Variants in SRSF4 observed in about 807,000 individuals in gnomAD.
The protein encoded by SRSF4 is serine and arginine rich splicing factor 4.
SRSF4 carries 12 observed loss-of-function variants against 48.8 expected under a neutral mutation model. The observed-to-expected ratio is 0.25, with a 90% CI of 0.16 to 0.40. The LOEUF is 0.40. Ranked by LOEUF, SRSF4 falls within the 10% of genes least tolerant of loss-of-function variation. SRSF4 has a pLI of 1.00. For missense variants in SRSF4, 466 were observed against 667.1 expected (o/e 0.70, Z 3.32); for synonymous variants, 248 against 232.5 (o/e 1.07, Z -0.61).
At chr1:29,181,300 C>T (rs1206649533) in intron 1 of SRSF4, among the ~76,000 whole-genome samples, 2 of 152,232 alleles carry the variant, frequency 1.3e-5, no homozygotes, top group African/African-American at 4.8e-5. Context: ...TACCCAGAAA[C>T]GAATAGGGCC....
At chr1:29,175,686 C>T (rs1427607087) in intron 1 of SRSF4, among the ~76,000 whole-genome samples, 3 of 72,830 alleles carry the variant, frequency 4.1e-5, no homozygotes, top group South Asian at 7.2e-4. Context: ...CAGAGCCAGA[C>T]GCTGTCTCAA....
chr1:29,160,324 C>T (rs1427358857), intron 2 of SRSF4, 51 bp downstream of exon 2: 2 of 1,527,332 alleles, frequency 1.3e-6, no homozygotes, highest in African/African-American at 2.8e-5. Flanking sequence ...TAAAAATTAG[C>T]ATGATAACAA....
chr1:29,177,395 C>T (rs779045159), intron 1 of SRSF4, among the ~76,000 whole-genome samples: 3 of 151,590 alleles, frequency 2.0e-5, no homozygotes, highest in Non-Finnish European at 4.4e-5. Context: ...GATTCTCTTG[C>T]CTCAGCCTCC....
intron 1 of SRSF4, among the ~76,000 whole-genome samples, chr1:29,174,480 A>T (rs1672804657): frequency 6.6e-6 from 1 of 152,146 alleles, no homozygotes; most frequent in Non-Finnish European, 1.5e-5. Flanking sequence ...CCATTAAATA[A>T]CATATGTATG....
At position 29,149,242 on chromosome 1, in the gene SRSF4, A is replaced by G. The variant is rs556688744; in HGVS notation, c.669-16T>C. On this transcript the variant is annotated splice_polypyrimidine_tract_variant and intron_variant, in intron 5 of 5. Coordinates refer to ENST00000373795, the MANE Select transcript of SRSF4 (RefSeq NM_005626.5). ...GGAGCCCGACCTGAGGAGACATGGG[A>G]TACTGTTTGTGTCACATGTGACTTC... 212 of 1,602,054 alleles carry G rather than the reference A, an allele frequency of 1.3e-4. No individual in the cohort carries two copies. The highest frequency in any genetic ancestry group is 1.7e-4 in the Non-Finnish European group (202 of 1,179,248).
chr1:29,176,267 C>CA (rs1341058981), intron 1 of SRSF4, among the ~76,000 whole-genome samples: 1 of 151,690 alleles, frequency 6.6e-6, no homozygotes, highest in East Asian at 1.9e-4. Flanking sequence ...AAACAAAAAA[C>CA]AAAAAACAAA....
At chr1:29,151,574 T>G (rs2151812309) in intron 4 of SRSF4, among the ~76,000 whole-genome samples, 1 of 152,314 alleles carries the variant, frequency 6.6e-6, no homozygotes, top group South Asian at 2.1e-4. Context: ...CTGACTACAT[T>G]AGGTTTTACC....
intron 4 of SRSF4, among the ~76,000 whole-genome samples, chr1:29,150,802 TCC>T (rs1047873811): frequency 4.1e-4 from 63 of 152,190 alleles, no homozygotes; most frequent in African/African-American, 1.5e-3. Flanking sequence ...CATCCTTGAC[TCC>T]CCCGTCTTTC....
At chr1:29,179,947 A>C (rs1346870841) in intron 1 of SRSF4, among the ~76,000 whole-genome samples, 1 of 152,256 alleles carries the variant, frequency 6.6e-6, no homozygotes, top group Non-Finnish European at 1.5e-5. Flanking sequence ...TTTCCTGCAC[A>C]CTATCACCTG....
intron 1 of SRSF4, among the ~76,000 whole-genome samples, chr1:29,168,175 C>G (rs992170412): frequency 6.7e-6 from 1 of 149,282 alleles, no homozygotes; most frequent in African/African-American, 2.5e-5. Flanking sequence ...CCACCATGCC[C>G]GGCAAATTTT....
At chr1:29,177,281 T>A (rs1024964305) in intron 1 of SRSF4, among the ~76,000 whole-genome samples, 2 of 137,676 alleles carry the variant, frequency 1.5e-5, no homozygotes, top group South Asian at 2.2e-4. Context: ...GTAACTCTTT[T>A]TGTTTTTTTT....
chr1:29,154,432 T>G (rs914703181), intron 4 of SRSF4: 5 of 422,484 alleles, frequency 1.2e-5, no homozygotes, highest in African/African-American at 8.1e-5. Flanking sequence ...CCTGACCTTG[T>G]GATGCGCCCA....
intron 4 of SRSF4, among the ~76,000 whole-genome samples, chr1:29,151,292 G>A (rs147344064): frequency 0.011 from 1,676 of 152,272 alleles, 36 homozygotes; most frequent in African/African-American, 0.038. Context: ...CAAGTTCAAT[G>A]ATACTAAGAA....
At chr1:29,167,541 C>A (rs1179894309) in intron 1 of SRSF4, among the ~76,000 whole-genome samples, 1 of 152,220 alleles carries the variant, frequency 6.6e-6, no homozygotes, top group African/African-American at 2.4e-5. Context: ...CACGCCACCA[C>A]GCCCAGCTAA....
intron 1 of SRSF4, chr1:29,170,738 T>C (rs2452787): frequency 0.3 from 45,843 of 152,018 alleles, 7,277 homozygotes; most frequent in Middle Eastern, 0.36. Flanking sequence ...CCTGACTCCC[T>C]TGCCTGAGCC....
intron 5 of SRSF4, 78 bp from the exon 6 acceptor site, chr1:29,149,304 A>G (rs1295825170): frequency 6.7e-7 from 1 of 1,496,740 alleles, no homozygotes. Flanking sequence ...AAGGGCATAC[A>G]TGTGGAGTTA....
At chr1:29,167,395 GTTT>G (rs1277888641) in intron 1 of SRSF4, among the ~76,000 whole-genome samples, 1 of 151,388 alleles carries the variant, frequency 6.6e-6, no homozygotes, top group African/African-American at 2.5e-5. Context: ...TTTTGTTTTT[GTTT>G]TTTTGAGATG....
chr1:29,175,984 G>A (rs1415845062), intron 1 of SRSF4, among the ~76,000 whole-genome samples: 1 of 152,054 alleles, frequency 6.6e-6, no homozygotes, highest in Non-Finnish European at 1.5e-5. Context: ...CGGGCATGGT[G>A]GCTCACACCT....
At position 29,174,043 on chromosome 1, in the gene SRSF4, G is replaced by C. The variant is rs187886468; in HGVS notation, c.107+7603C>G. ...GTCTCTACTAAAAATACAAAAATTA[G>C]CGGGGTGTGGTGGCAGGCGCCTGTA... On this transcript the variant is annotated intron_variant, in intron 1 of 5. Coordinates refer to ENST00000373795, the MANE Select transcript of SRSF4 (RefSeq NM_005626.5). 8.6e-4 allele frequency among the ~76,000 whole-genome samples: 130 copies of C among 151,726 alleles called. 2 individuals carry two copies. The East Asian group carries it at 0.017, about 20-fold the overall frequency.
Sources: allele counts gnomAD v4.1 joint callset (sites outside exome capture counted in the v4.1 genomes callset), GRCh38; gene constraint gnomAD v4.1.1; transcripts MANE v1.5; gene names NCBI Gene and HGNC (gene_info 2026-07-23, HGNC 2026-07-21).